Variants in CD37 observed in about 807,000 individuals in gnomAD.
The protein encoded by CD37 is leukocyte antigen CD37.
Under a neutral mutation model 38.9 loss-of-function variants are expected in CD37, and 37 were observed. That is an observed-to-expected ratio of 0.95 (90% CI 0.73 to 1.25). CD37 has a LOEUF of 1.25. Ranked by LOEUF, CD37 falls within the 50% of genes most tolerant of loss-of-function variation. CD37 has a pLI of 0.00. For missense variants in CD37, 351 were observed against 360.1 expected (o/e 0.97, Z 0.20); for synonymous variants, 146 against 150.1 (o/e 0.97, Z 0.20).
At position 49,335,719 on chromosome 19, in the gene CD37, C is replaced by G. The variant is rs770805141; in HGVS notation, c.75C>G (p.Leu25=). 2 of 1,613,728 alleles carry G rather than the reference C, an allele frequency of 1.2e-6. No individual in the cohort carries two copies. Among genetic ancestry groups the G allele is most frequent in the African/African-American group, 2.7e-5 (2 of 74,910 alleles). Residue 25 remains leucine (L), a synonymous_variant, in exon 2 of 8, where the codon CTC becomes CTG. Coordinates refer to ENST00000323906, the MANE Select transcript of CD37 (RefSeq NM_001774.3). This position sits in a 1 kb window ranked among gnomAD's most constrained non-coding sequence, Gnocchi z 4.6. ...LFVFNLFFFV[L]GSLIFCFGIW... is the part of the protein sequence containing the mutation. ...TCCGCATCTCCTCTCCCCAGGTCCTCGGCAGCCTGATCTTCTGCTTCGGCA... is the reference window on the plus strand; with the variant it reads ...TCCGCATCTCCTCTCCCCAGGTCCTGGGCAGCCTGATCTTCTGCTTCGGCA...
In CD37 at chr19:49,338,732, C is replaced by A; in HGVS notation, c.480C>A (p.Asp160Glu). 1 of 1,612,972 alleles carries A rather than the reference C, an allele frequency of 6.2e-7. No individual in the cohort carries two copies. Among genetic ancestry groups the A allele is most frequent in the Non-Finnish European group, 8.5e-7 (1 of 1,179,994 alleles). Reference sequence around the variant, plus strand: ...GCTGCGGCTGGCACTACCCGCAGGACTGGTTCCAAGTCCTCATCCTGAGAG... The same window carrying A: ...GCTGCGGCTGGCACTACCCGCAGGAATGGTTCCAAGTCCTCATCCTGAGAG... ...LRCCGWHYPQDWFQVLILRGN... is the reference protein window; with the variant it reads ...LRCCGWHYPQEWFQVLILRGN... The change falls in exon 6 of 8, where the codon GAC becomes GAA. Residue 160 changes from aspartate (D) to glutamate (E), a missense_variant. Transcript: ENST00000323906. This position sits in a 1 kb window ranked among gnomAD's most constrained non-coding sequence, Gnocchi z 5.0.
chr19:49,339,376 C>T lies in CD37; in HGVS notation c.731C>T (p.Ser244Phe). Reference protein sequence around the residue: ...LQKWLHNNLISIVGICLGVGL... With the variant: ...LQKWLHNNLIFIVGICLGVGL... ...AAGTGGCTGCACAACAACCTTATTT[C>T]CATAGTGGGCATTTGCCTGGGCGTC... Residue 244 changes from serine to phenylalanine, a missense_variant, in exon 7 of 8, where the codon TCC becomes TTC. Physicochemically the swap from Ser to Phe is radical, Grantham distance 155. Transcript: ENST00000323906. This position sits in a 1 kb window ranked among gnomAD's most constrained non-coding sequence, Gnocchi z 4.5. The T allele has an allele frequency of 6.2e-7, 1 of 1,614,082 alleles. No individual in the cohort carries two copies. Among genetic ancestry groups the T allele is most frequent in the Non-Finnish European group, 8.5e-7 (1 of 1,179,966 alleles).
In CD37 at chr19:49,339,925, A is replaced by C; in HGVS notation, c.769-326A>C. The stretch of plus-strand genomic sequence containing the variant: ...AGACGAGGACCAGCCTGACACTGGA[A>C]GTGCGGGCGCAGAATTAGAGGAGGC... On this transcript the variant is annotated intron_variant, in intron 7 of 7. Coordinates refer to ENST00000323906, the MANE Select transcript of CD37 (RefSeq NM_001774.3). This position sits in a 1 kb window ranked among gnomAD's most constrained non-coding sequence, Gnocchi z 4.5. The C allele has an allele frequency of 7.3e-7, 1 of 1,365,202 alleles. No homozygotes were observed. Among genetic ancestry groups the C allele is most frequent in the Non-Finnish European group, 9.5e-7 (1 of 1,055,130 alleles). 84.6% of individuals were successfully genotyped at this position (1,365,202 alleles called of 1,614,324 possible).
In CD37 at chr19:49,335,989, C is replaced by A; in HGVS notation, c.142+203C>A. On this transcript the variant is annotated intron_variant, in intron 2 of 7. Transcript: ENST00000323906. This position sits in a 1 kb window ranked among gnomAD's most constrained non-coding sequence, Gnocchi z 4.6. ...ATACAAACAACAATGATCATGAGAG[C>A]CATTTCTCAAGCACTTCCTATCTGT... The A allele has an allele frequency of 1.7e-6, 1 of 599,888 alleles. No individual in the cohort carries two copies. Among genetic ancestry groups the A allele is most frequent in the South Asian group, 2.0e-5 (1 of 50,214 alleles). The allele number at this position is 599,888 out of a possible 1,614,324, so 37.2% of individuals were successfully genotyped here. A position where few individuals can be genotyped will look rare whatever the true frequency, so the allele number is the denominator to read the frequency against.
chr19:49,340,084 C>T, intron 7 of CD37, 167 bp from the exon 8 acceptor site: 2 of 1,530,012 alleles, frequency 1.3e-6, no homozygotes, highest in Non-Finnish European at 1.8e-6. Flanking sequence ...ATCAGCCAGC[C>T]CTGCGGCAGT....
Position 49,339,795 on chromosome 19 carries a change from TCTGTGGGGTGGCTGGGGCATGGCGGGTGC to T in CD37, c.768+386_768+414del. Reference sequence around the variant, plus strand: ...ACGGCGGCGGCGGGCACAGCGGCAGTCTGTGGGGTGGCTGGGGCATGGCGGGTGCCTGCCCCAACTGGGGAGACAAGGCA... The same window carrying T: ...ACGGCGGCGGCGGGCACAGCGGCAGTCTGCCCCAACTGGGGAGACAAGGCA... On this transcript the variant is annotated intron_variant, in intron 7 of 7. Coordinates refer to ENST00000323906, the MANE Select transcript of CD37 (RefSeq NM_001774.3). The surrounding 1 kb of genome is among the most constrained non-coding windows in gnomAD (Gnocchi z 4.5). 1 of 1,357,350 alleles carries T rather than the reference TCTGTGGGGTGGCTGGGGCATGGCGGGTGC, an allele frequency of 7.4e-7. No homozygotes were observed. The highest frequency in any genetic ancestry group is 9.5e-7 in the Non-Finnish European group (1 of 1,054,120). The allele number at this position is 1,357,350 out of a possible 1,614,324, so 84.1% of individuals were successfully genotyped here.
At position 49,335,508 on chromosome 19, in the gene CD37, T is replaced by C. The variant is rs200538374; in HGVS notation, c.-33T>C. On this transcript the variant is annotated 5_prime_UTR_variant, in exon 1 of 8. Transcript: ENST00000323906. This position sits in a 1 kb window ranked among gnomAD's most constrained non-coding sequence, Gnocchi z 4.6. ...CCCCACTGTCAGCACCTCTTCTGTG[T>C]GGTGAGTGGACCGCTTACCCCACTA... 20 of 1,527,010 alleles carry C rather than the reference T, an allele frequency of 1.3e-5. No individual in the cohort carries two copies. In the African/African-American group the frequency reaches 2.5e-4, roughly 19 times the overall value. 94.6% of individuals were successfully genotyped at this position (1,527,010 alleles called of 1,614,324 possible). A position where few individuals can be genotyped will look rare whatever the true frequency, so the allele number is the denominator to read the frequency against.
At chr19:49,340,190 C>G in intron 7 of CD37, 61 bp from the exon 8 acceptor site, 1 of 1,509,624 alleles carries the variant, frequency 6.6e-7, no homozygotes, top group South Asian at 1.1e-5. Flanking sequence ...CCCGGGTGGG[C>G]ATCACCCCCG....
chr19:49,339,354 T>A lies in CD37; in HGVS notation c.709T>A (p.Trp237Arg). 6.2e-7 allele frequency: 1 copy of A among 1,614,000 alleles called. No homozygotes were observed. The highest frequency in any genetic ancestry group is 8.5e-7 in the Non-Finnish European group (1 of 1,179,948). The change falls in exon 7 of 8, where the codon TGG becomes AGG. Residue 237 changes from tryptophan to arginine, a missense_variant. Coordinates refer to ENST00000323906, the MANE Select transcript of CD37 (RefSeq NM_001774.3). The surrounding 1 kb of genome is among the most constrained non-coding windows in gnomAD (Gnocchi z 4.5). The stretch of plus-strand genomic sequence containing the variant: ...GGGCTGCGCGCAGGGCCTCCAGAAG[T>A]GGCTGCACAACAACCTTATTTCCAT... ...REGCAQGLQK[W>R]LHNNLISIVG... is the part of the protein sequence containing the mutation.
In CD37 at chr19:49,340,386, G is replaced by A. The variant is rs927545656; in HGVS notation, c.*58G>A. On this transcript the variant is annotated 3_prime_UTR_variant, in exon 8 of 8. Coordinates refer to ENST00000323906, the MANE Select transcript of CD37 (RefSeq NM_001774.3). ...CGTCACGTGCGCTGGGCACTTCCCTGCTGCCTGTAAATATTTGTTTAATCC... is the reference window on the plus strand; with the variant it reads ...CGTCACGTGCGCTGGGCACTTCCCTACTGCCTGTAAATATTTGTTTAATCC... 5.2e-6 allele frequency: 6 copies of A among 1,148,226 alleles called. No homozygotes were observed. In the African/African-American group the frequency reaches 7.6e-5, roughly 15 times the overall value. The allele number at this position is 1,148,226 out of a possible 1,614,324, so 71.1% of individuals were successfully genotyped here.
In CD37 at chr19:49,337,917, CCT is replaced by C; in HGVS notation, c.343-4_343-3del. 1.2e-6 allele frequency: 2 copies of C among 1,613,918 alleles called. No individual in the cohort carries two copies. The highest frequency in any genetic ancestry group is 8.5e-7 in the Non-Finnish European group (1 of 1,179,930). ...AGATAAGGCCCAGCCTCACTGGTGG[CCT>C]CTCAGCTGGAGCGAAGCTTGCGGGA... is the stretch of plus-strand genomic sequence containing the variant. On this transcript the variant is annotated splice_polypyrimidine_tract_variant and splice_region_variant and intron_variant, in intron 4 of 7. Transcript: ENST00000323906.
Position 49,340,553 on chromosome 19 carries a change from A to C in CD37, c.*225A>C. ...CCCATCTGTCGGCCTACCACCACCC[A>C]CAAGATTATTTTTCACCCAAACCTC... On this transcript the variant is annotated 3_prime_UTR_variant, in exon 8 of 8. Coordinates refer to ENST00000323906, the MANE Select transcript of CD37 (RefSeq NM_001774.3). 1 of 602,054 alleles carries C rather than the reference A, an allele frequency of 1.7e-6. No homozygotes were observed. Among genetic ancestry groups the C allele is most frequent in the Non-Finnish European group, 3.0e-6 (1 of 337,562 alleles). The allele number at this position is 602,054 out of a possible 1,614,324, so 37.3% of individuals were successfully genotyped here. A position where few individuals can be genotyped will look rare whatever the true frequency, so the allele number is the denominator to read the frequency against.
chr19:49,335,713 G>A lies in CD37; in HGVS notation c.70-1G>A. 1.2e-6 allele frequency: 2 copies of A among 1,613,914 alleles called. No homozygotes were observed. Among genetic ancestry groups the A allele is most frequent in the Non-Finnish European group, 1.7e-6 (2 of 1,179,972 alleles). On this transcript the variant is annotated splice_acceptor_variant, in intron 1 of 7. Coordinates refer to ENST00000323906, the MANE Select transcript of CD37 (RefSeq NM_001774.3). LOFTEE classifies it high-confidence loss of function. This position sits in a 1 kb window ranked among gnomAD's most constrained non-coding sequence, Gnocchi z 4.6. ...CCCGTATCCGCATCTCCTCTCCCCA[G>A]GTCCTCGGCAGCCTGATCTTCTGCT...
In CD37 at chr19:49,338,767, C is replaced by T. The variant is rs767573534; in HGVS notation, c.515C>T (p.Ser172Leu). ...FQVLILRGNG[S>L]EAHRVPCSCY... ...GTCCTCATCCTGAGAGGTAACGGGT[C>T]GGAGGCGCACCGCGTGCCCTGCTCC... Residue 172 changes from serine to leucine, a missense_variant, in exon 6 of 8, where the codon TCG (serine) becomes TTG (leucine). Transcript: ENST00000323906. This position sits in a 1 kb window ranked among gnomAD's most constrained non-coding sequence, Gnocchi z 5.0. The T allele has an allele frequency of 1.7e-5, 27 of 1,613,666 alleles. No homozygotes were observed. The highest frequency in any genetic ancestry group is 2.3e-5 in the Non-Finnish European group (27 of 1,180,012).
intron 2 of CD37, 96 bp from the exon 3 acceptor site, chr19:49,336,813 G>A (rs1970972989): frequency 2.2e-6 from 3 of 1,363,116 alleles, no homozygotes; most frequent in East Asian, 2.3e-5. Context: ...GGGGCACCAA[G>A]ATACTGCTCC....
intron 7 of CD37, 120 bp from the exon 8 acceptor site, chr19:49,340,131 C>A: frequency 6.5e-7 from 1 of 1,534,460 alleles, no homozygotes; most frequent in Non-Finnish European, 8.8e-7. Flanking sequence ...CTATCCCCTT[C>A]TCCAGCCCCT....
chr19:49,337,788 G>C (rs779626561), intron 4 of CD37, 137 bp from the exon 5 acceptor site: 5 of 1,546,812 alleles, frequency 3.2e-6, no homozygotes, highest in Admixed American at 3.9e-5. Flanking sequence ...CAGACCTGAA[G>C]TACACAGAGC....
At position 49,337,945 on chromosome 19, in the gene CD37, C is replaced by G; in HGVS notation, c.363C>G (p.Asp121Glu). 1 of 1,614,026 alleles carries G rather than the reference C, an allele frequency of 6.2e-7. No homozygotes were observed. Among genetic ancestry groups the G allele is most frequent in the Non-Finnish European group, 8.5e-7 (1 of 1,179,974 alleles). The change falls in exon 5 of 8, where the codon GAC becomes GAG. Residue 121 changes from aspartate to glutamate, a missense_variant. By Grantham distance (45) the Asp-to-Glu change is conservative. Transcript: ENST00000323906. ...CTCAGCTGGAGCGAAGCTTGCGGGACGTCGTAGAGAAAACCATCCAAAAGT... is the reference window on the plus strand; with the variant it reads ...CTCAGCTGGAGCGAAGCTTGCGGGAGGTCGTAGAGAAAACCATCCAAAAGT... The part of the protein sequence containing the change: ...QRAQLERSLR[D>E]VVEKTIQKYG...
Position 49,339,334 on chromosome 19 carries a change from GC to G in CD37, c.690del (p.Cys230TrpfsTer16). ...PAESHIYREG[C>X]AQGLQKWLHN... ...ACTTTTCCCTACACCCCCCAGGGCT[GC>G]GCGCAGGGCCTCCAGAAGTGGCTGC... is the stretch of plus-strand genomic sequence containing the variant. On this transcript the variant is annotated frameshift_variant, in exon 7 of 8. Coordinates refer to ENST00000323906, the MANE Select transcript of CD37 (RefSeq NM_001774.3). LOFTEE classifies it high-confidence loss of function. The surrounding 1 kb of genome is among the most constrained non-coding windows in gnomAD (Gnocchi z 4.5). The G allele has an allele frequency of 6.2e-7, 1 of 1,613,896 alleles. No homozygotes were observed. Among genetic ancestry groups the G allele is most frequent in the Non-Finnish European group, 8.5e-7 (1 of 1,179,814 alleles).
Sources: gnomAD v4.1 joint callset for allele counts on GRCh38, gnomAD v4.1.1 for gene constraint, Gnocchi (gnomAD v3.1) non-coding constraint, MANE v1.5 for transcripts, NCBI Gene and HGNC (gene_info 2026-07-23, HGNC 2026-07-21) for gene names.